ARMCX4: variants seen among roughly 807,000 people sequenced by gnomAD.
The protein encoded by ARMCX4 is armadillo repeat-containing X-linked protein 4.
In ARMCX4, 3 loss-of-function variants were observed where a neutral mutation model predicts 34.7. The observed-to-expected ratio is 0.09, with a 90% CI of 0.04 to 0.22. The LOEUF is 0.22. Among genes scored for constraint, ARMCX4 ranks in the 10% least tolerant of loss-of-function variants. ARMCX4 has a pLI of 1.00. For synonymous variants in ARMCX4, 513 were observed against 632.8 expected, an observed-to-expected ratio of 0.81 and a Z score of 2.84; for missense variants, 1,448 against 1,720.8, an observed-to-expected ratio of 0.84 and a Z score of 2.81.
intron 5 of ARMCX4, 64 bp from the exon 6 acceptor site, chrX:101,488,380 C>T (rs1933844126): frequency 1.0e-6 from 1 of 998,948 alleles, no homozygotes; most frequent in African/African-American, 1.9e-5. Context: ...CTCTGTGTAT[C>T]TATCTGTATG....
chrX:101,452,148 G>T (rs188254757), downstream of ARMCX4, among the ~76,000 whole-genome samples: 78 of 112,156 alleles, frequency 7.0e-4, no homozygotes, highest in African/African-American at 2.4e-3. Context: ...TATCCGATCT[G>T]AGTTAGATGC....
At chrX:101,425,695 G>A (rs1044392399) in intron 2 of ARMCX4, among the ~76,000 whole-genome samples, 18 of 109,774 alleles carry the variant, frequency 1.6e-4, no homozygotes, top group African/African-American at 4.0e-4. Flanking sequence ...GCGCCCAGCC[G>A]GTAGGCAAGT....
At chrX:101,515,355 C>CTTTCTTTCTTTCTTTCTTTCTTTA (rs1934689188) in intron 11 of ARMCX4, among the ~76,000 whole-genome samples, 1 of 30,982 alleles carries the variant, frequency 3.2e-5, no homozygotes, top group African/African-American at 1.2e-4. Flanking sequence ...TTCTTTCTTT[C>CTTTCTTTCTTTCTTTCTTTCTTTA]TTTCTTTCTT....
chrX:101,526,894 C>A (rs1305907846), intron 11 of ARMCX4, among the ~76,000 whole-genome samples: 1 of 111,474 alleles, frequency 9.0e-6, no homozygotes, highest in Non-Finnish European at 1.9e-5. Flanking sequence ...GAGACTTTAA[C>A]ACCCCACTGT....
chrX:101,500,807 T>C (rs73563085), downstream of ARMCX4, among the ~76,000 whole-genome samples: 4,855 of 112,033 alleles, frequency 0.043, 179 homozygotes, highest in African/African-American at 0.12. Context: ...TCTGTCATAA[T>C]ATAGTCTGAA....
Position 101,492,990 on chromosome X carries a change from T to A in ARMCX4, c.4401T>A (p.Asp1467Glu). The change falls in exon 6 of 6, where the codon GAT becomes GAA. Residue 1467 changes from aspartate (D) to glutamate (E), a missense_variant. By Grantham distance (45) the Asp-to-Glu change is conservative (BLOSUM62 2). This residue lies in a region of ARMCX4 where 1,343 missense variants were observed against 1,540.7 expected (regional missense o/e 0.87). Coordinates refer to ENST00000423738, the MANE Select transcript of ARMCX4 (RefSeq NM_001256155.3). The part of the protein sequence containing the change: ...ASVGPKPIFE[D>E]QVSGRGSWAD... ...TTGGGCCAAAGCCTATATTTGAGGATCAGGTCAGTGGCAGAGGGTCCTGGG... is the reference window on the plus strand; with the variant it reads ...TTGGGCCAAAGCCTATATTTGAGGAACAGGTCAGTGGCAGAGGGTCCTGGG... The A allele has an allele frequency of 8.7e-7, 1 of 1,155,006 alleles. No individual in the cohort carries two copies. Among genetic ancestry groups the A allele is most frequent in the South Asian group, 1.9e-5 (1 of 52,683 alleles).
chrX:101,509,878 A>G (rs1032721577), intron 10 of ARMCX4, among the ~76,000 whole-genome samples: 4 of 112,152 alleles, frequency 3.6e-5, no homozygotes, highest in African/African-American at 1.3e-4. Context: ...TTTTGAGGAC[A>G]TTGTTTCATT....
intron 11 of ARMCX4, among the ~76,000 whole-genome samples, chrX:101,528,610 A>G (rs1177856200): frequency 8.9e-6 from 1 of 112,053 alleles, no homozygotes; most frequent in East Asian, 2.8e-4. Flanking sequence ...AAATCTCCTT[A>G]AGCTGATAAG....
chrX:101,473,833 C>G (rs1428806796), intron 4 of ARMCX4, among the ~76,000 whole-genome samples: 1 of 90,361 alleles, frequency 1.1e-5, no homozygotes, highest in Non-Finnish European at 2.2e-5. Context: ...ATTTATAGCA[C>G]TAAATGCCCA....
At chrX:101,480,952 G>A (rs782344947), upstream of ARMCX4, among the ~76,000 whole-genome samples, 42 of 110,931 alleles carry the variant, frequency 3.8e-4, no homozygotes, top group Admixed American at 4.0e-3. Flanking sequence ...GCAAAAACCC[G>A]TCTATACCAA....
intron 2 of ARMCX4, among the ~76,000 whole-genome samples, chrX:101,432,659 CA>C (rs782805053): frequency 2.8e-5 from 3 of 105,553 alleles, no homozygotes; most frequent in African/African-American, 1.0e-4. Flanking sequence ...GATTCTGTCT[CA>C]AAAAAAACCC....
intron 11 of ARMCX4, chrX:101,516,700 C>T (rs1556018015): frequency 1.8e-5 from 2 of 111,204 alleles, no homozygotes; most frequent in African/African-American, 6.5e-5. Context: ...ACCCCTCCTG[C>T]GCAGATAACT....
chrX:101,466,482 C>T (rs1932793724), intron 4 of ARMCX4, among the ~76,000 whole-genome samples: 1 of 111,743 alleles, frequency 8.9e-6, no homozygotes, highest in Non-Finnish European at 1.9e-5. Context: ...TAGAAACAAC[C>T]CAAGTGTCCA....
chrX:101,433,394 A>G lies in ARMCX4; in HGVS notation n.165-10658A>G, dbSNP rs782343325. Among the ~76,000 whole-genome samples, 373 of 110,171 alleles carry G rather than the reference A, an allele frequency of 3.4e-3. 1 individual carries two copies. The highest frequency in any genetic ancestry group is 4.6e-3 in the Non-Finnish European group (242 of 52,701). ...CATATGTACATATATGTACATATAT[A>G]CATACATATAAACATATATACCTGT... On this transcript the variant is annotated intron_variant and non_coding_transcript_variant, in intron 2 of 3. Transcript: ENST00000430461.
chrX:101,486,343 AG>A (rs1385856967), intron 2 of ARMCX4, among the ~76,000 whole-genome samples: 2 of 111,294 alleles, frequency 1.8e-5, no homozygotes, highest in African/African-American at 6.5e-5. Context: ...ATTATATTAA[AG>A]AATATTATTA....
At chrX:101,431,464 A>AAG (rs1929992134) in intron 2 of ARMCX4, among the ~76,000 whole-genome samples, 3 of 112,507 alleles carry the variant, frequency 2.7e-5, no homozygotes, top group African/African-American at 9.7e-5. Flanking sequence ...CTTCCTTCCC[A>AAG]GAAGTTTACA....
At chrX:101,452,406 C>T (rs782673552), downstream of ARMCX4, among the ~76,000 whole-genome samples, 6 of 112,284 alleles carry the variant, frequency 5.3e-5, no homozygotes, top group Non-Finnish European at 1.1e-4. Flanking sequence ...CTAGTCCCTT[C>T]AGAACAACTC....
At chrX:101,463,691 A>T (rs1481298286) in intron 4 of ARMCX4, among the ~76,000 whole-genome samples, 1 of 111,762 alleles carries the variant, frequency 8.9e-6, no homozygotes, top group East Asian at 2.8e-4. Flanking sequence ...ACAAAGAGGA[A>T]TGGATAAAGT....
chrX:101,489,064 G>C lies in ARMCX4; in HGVS notation c.475G>C (p.Val159Leu). The change falls in exon 6 of 6, where the codon GTT becomes CTT. Residue 159 changes from valine to leucine, a missense_variant. Transcript: ENST00000423738. The part of the protein sequence containing the change: ...TQTDAEAGKI[V>L]KKEAVTQTKA... ...AACTGATGCTGAGGCTGGCAAAATA[G>C]TTAAGAAAGAAGCAGTGACACAGAC... is the stretch of plus-strand genomic sequence containing the variant. The C allele has an allele frequency of 8.6e-7, 1 of 1,156,436 alleles. No homozygotes were observed. The highest frequency in any genetic ancestry group is 1.1e-6 in the Non-Finnish European group (1 of 873,154).
Sources: allele counts gnomAD v4.1 joint callset (sites outside exome capture counted in the v4.1 genomes callset), GRCh38; gene constraint gnomAD v4.1.1; regional missense constraint gnomAD v4.1.1; transcripts MANE v1.5; gene names NCBI Gene and HGNC (gene_info 2026-07-23, HGNC 2026-07-21).